The following IHO1 variants were observed in gnomAD, a reference collection of about 807,000 sequenced individuals.
IHO1 encodes the protein interactor of HORMAD1 1.
IHO1 carries 13 observed loss-of-function variants against 31.0 expected under a neutral mutation model. The ratio of observed to expected loss-of-function variants is 0.42; its 90% CI spans 0.27 to 0.67. The LOEUF is 0.67. Ranked by LOEUF, IHO1 falls within the 30% of genes least tolerant of loss-of-function variation. The pLI, the probability that IHO1 is intolerant of heterozygous loss-of-function variation, is 0.24. For missense variants in IHO1, 599 were observed against 687.5 expected (o/e 0.87, Z 1.44); for synonymous variants, 221 against 248.4 (o/e 0.89, Z 1.04).
At chr3:49,243,893 A>G (rs564419144) in intron 4 of IHO1, among the ~76,000 whole-genome samples, 2 of 152,004 alleles carry the variant, frequency 1.3e-5, no homozygotes, top group Admixed American at 1.3e-4. Context: ...TTTAAAAAGA[A>G]AAATGCGATT....
At chr3:49,198,038 T>G (rs1481996281), upstream of IHO1, among the ~76,000 whole-genome samples, 2 of 152,248 alleles carry the variant, frequency 1.3e-5, no homozygotes, top group African/African-American at 4.8e-5. Context: ...TTCTCGAATT[T>G]TATATAAATG....
At chr3:49,218,376 CT>C (rs34312848) in intron 2 of IHO1, among the ~76,000 whole-genome samples, 6,848 of 105,890 alleles carry the variant, frequency 0.065, 109 homozygotes, top group Non-Finnish European at 0.079. Flanking sequence ...CAGTTAATAC[CT>C]TTTTTTTTTT....
chr3:49,231,973 G>A (rs569792222), intron 2 of IHO1, among the ~76,000 whole-genome samples: 4 of 152,306 alleles, frequency 2.6e-5, no homozygotes, highest in Admixed American at 1.3e-4. Flanking sequence ...CACATGTTCC[G>A]TCGTTTGGGA....
At position 49,237,887 on chromosome 3, in the gene IHO1, C is replaced by CTTTTTTTTTT. The variant is rs574951773; in HGVS notation, c.231+1187_231+1196dup. Among the ~76,000 whole-genome samples, 64 of 51,442 alleles carry CTTTTTTTTTT rather than the reference C, an allele frequency of 1.2e-3. 7 individuals are homozygous for CTTTTTTTTTT. The highest frequency in any genetic ancestry group is 1.6e-3 in the African/African-American group (20 of 12,266). 33.7% of individuals were successfully genotyped at this position (51,442 alleles called of 152,430 possible). ...TGTTTTGAGATTAACCTGTCTTTTC[C>CTTTTTTTTTT]TTTTTTTTTTTTTTTTTTTTTTTTT... On this transcript the variant is annotated intron_variant, in intron 3 of 7. Coordinates refer to ENST00000452691, the MANE Select transcript of IHO1 (RefSeq NM_001135197.2).
intron 3 of IHO1, among the ~76,000 whole-genome samples, chr3:49,237,887 C>CTTTTTTTTTTTTTTTT (rs574951773): frequency 1.2e-4 from 6 of 51,410 alleles, no homozygotes; most frequent in African/African-American, 2.5e-4. Context: ...CTGTCTTTTC[C>CTTTTTTTTTTTTTTTT]TTTTTTTTTT....
At chr3:49,224,717 G>A (rs2046397652) in intron 2 of IHO1, among the ~76,000 whole-genome samples, 3 of 152,274 alleles carry the variant, frequency 2.0e-5, no homozygotes, top group Admixed American at 2.0e-4. Context: ...CGGTATATAG[G>A]TTAAGGTCAG....
chr3:49,225,048 C>T (rs1425337309), intron 2 of IHO1, among the ~76,000 whole-genome samples: 1 of 152,206 alleles, frequency 6.6e-6, no homozygotes, highest in Non-Finnish European at 1.5e-5. Context: ...TACCCGTAAA[C>T]AGTGAGGCCA....
intron 2 of IHO1, among the ~76,000 whole-genome samples, chr3:49,228,984 T>C (rs529506982): frequency 1.3e-5 from 2 of 152,254 alleles, no homozygotes; most frequent in Non-Finnish European, 2.9e-5. Context: ...TGGGCCATTT[T>C]ACAGAGTGCT....
At chr3:49,216,119 TAAAG>T (rs1023602412) in intron 2 of IHO1, among the ~76,000 whole-genome samples, 1 of 152,190 alleles carries the variant, frequency 6.6e-6, no homozygotes, top group African/African-American at 2.4e-5. Flanking sequence ...TAACATTTGA[TAAAG>T]GAATGATTTG....
In IHO1 at chr3:49,241,348, G is replaced by A. The variant is rs771731426; in HGVS notation, c.354G>A (p.Gln118=). 6.2e-7 allele frequency: 1 copy of A among 1,612,034 alleles called. No homozygotes were observed. Among genetic ancestry groups the A allele is most frequent in the African/African-American group, 1.3e-5 (1 of 74,750 alleles). Residue 118 remains glutamine, a synonymous_variant, in exon 4 of 8, where the codon CAG becomes CAA. Coordinates refer to ENST00000452691, the MANE Select transcript of IHO1 (RefSeq NM_001135197.2). The stretch of plus-strand genomic sequence containing the variant: ...GAAAATCAAAAGGCCTCTTGGAACA[G>A]TTTGAGGAGAAAAAGAAAAGGGCAA... The part of the protein sequence containing the change: ...SVGKSKGLLE[Q]FEEKKKRAKD...
At chr3:49,212,481 A>G (rs560425973) in intron 2 of IHO1, among the ~76,000 whole-genome samples, 11 of 150,294 alleles carry the variant, frequency 7.3e-5, no homozygotes, top group Non-Finnish European at 3.0e-5. Flanking sequence ...GCGCCACTGC[A>G]CTCTAGCCTG....
At chr3:49,197,541 A>G (rs1416822191), upstream of IHO1, among the ~76,000 whole-genome samples, 1 of 152,130 alleles carries the variant, frequency 6.6e-6, no homozygotes, top group Non-Finnish European at 1.5e-5. Flanking sequence ...AATTTGATGC[A>G]TTTCGATATA....
intron 1 of IHO1, among the ~76,000 whole-genome samples, chr3:49,207,997 C>A (rs1416175298): frequency 6.6e-6 from 1 of 152,122 alleles, no homozygotes. Context: ...TGGTCTCGAT[C>A]TCCTGACCTT....
chr3:49,237,768 C>T (rs1195159462), intron 3 of IHO1, among the ~76,000 whole-genome samples: 1 of 151,020 alleles, frequency 6.6e-6, no homozygotes, highest in African/African-American at 2.4e-5. Flanking sequence ...AACTATACTA[C>T]ATTATGTCCT....
At chr3:49,247,471 A>ATCCAC (rs2046708850) in intron 6 of IHO1, among the ~76,000 whole-genome samples, 1 of 150,644 alleles carries the variant, frequency 6.6e-6, no homozygotes, top group African/African-American at 2.4e-5. Flanking sequence ...ACCTCAGGTG[A>ATCCAC]TCAGCCTGTT....
At chr3:49,193,563 G>A (rs2107670673), upstream of IHO1, among the ~76,000 whole-genome samples, 1 of 148,878 alleles carries the variant, frequency 6.7e-6, no homozygotes, top group Non-Finnish European at 1.5e-5. Context: ...TGGGTGTGGT[G>A]GCGCCTGTAG....
At chr3:49,255,952 C>G (rs986201204) in intron 7 of IHO1, among the ~76,000 whole-genome samples, 182 bp from the exon 8 acceptor site, 1 of 152,042 alleles carries the variant, frequency 6.6e-6, no homozygotes, top group African/African-American at 2.4e-5. Context: ...CCCCAAGGTT[C>G]CTTGACATGA....
intron 6 of IHO1, among the ~76,000 whole-genome samples, chr3:49,254,331 AAG>A (rs1403730313): frequency 1.3e-5 from 2 of 152,084 alleles, no homozygotes; most frequent in Non-Finnish European, 2.9e-5. Context: ...CACTGTGCAA[AAG>A]AGGAAAATCA....
intron 2 of IHO1, among the ~76,000 whole-genome samples, chr3:49,231,474 C>T (rs554889722): frequency 1.1e-4 from 16 of 152,316 alleles, no homozygotes; most frequent in African/African-American, 3.6e-4. Flanking sequence ...ATGCCTTATA[C>T]TTCAGCTCAA....
Sources: allele counts gnomAD v4.1 joint callset (sites outside exome capture counted in the v4.1 genomes callset), GRCh38; gene constraint gnomAD v4.1.1; transcripts MANE v1.5; gene names NCBI Gene and HGNC (gene_info 2026-07-23, HGNC 2026-07-21).